The following UBTD2 variants were observed in gnomAD, a reference collection of about 807,000 sequenced individuals.
The protein encoded by UBTD2 is ubiquitin domain containing 2.
Under a neutral mutation model 19.8 loss-of-function variants are expected in UBTD2, and 9 were observed. That is an observed-to-expected ratio of 0.46 (90% confidence interval 0.27 to 0.79). UBTD2 has a LOEUF of 0.79. UBTD2 is among the 30% of genes least tolerant of loss of function. UBTD2 has a pLI of 0.14. For missense variants in UBTD2, 250 were observed against 300.4 expected (o/e 0.83, Z 1.24); for synonymous variants, 98 against 103.9 (o/e 0.94, Z 0.35).
intron 1 of UBTD2, among the ~76,000 whole-genome samples, chr5:172,274,040 G>C (rs891327505): frequency 6.6e-6 from 1 of 151,282 alleles, no homozygotes; most frequent in Non-Finnish European, 1.5e-5. Context: ...AGAGCTCACC[G>C]ACCCAGAAAA....
At chr5:172,213,152 G>A (rs1253041283) in intron 2 of UBTD2, among the ~76,000 whole-genome samples, 1 of 151,354 alleles carries the variant, frequency 6.6e-6, no homozygotes, top group Non-Finnish European at 1.5e-5. Context: ...CACCACGCCT[G>A]GGTGATTTTT....
intron 1 of UBTD2, among the ~76,000 whole-genome samples, chr5:172,262,460 A>C (rs923548561): frequency 1.5e-4 from 23 of 151,334 alleles, no homozygotes; most frequent in Non-Finnish European, 3.1e-4. Context: ...AAAAAAAAAA[A>C]AAAAAAAACA....
intron 1 of UBTD2, chr5:172,255,382 G>T: frequency 2.0e-6 from 1 of 491,378 alleles, no homozygotes; most frequent in South Asian, 1.6e-5. Context: ...GTATGACACC[G>T]AGACAGGGTC....
chr5:172,256,440 G>A (rs1755153491), intron 1 of UBTD2, among the ~76,000 whole-genome samples: 1 of 150,764 alleles, frequency 6.6e-6, no homozygotes. Context: ...GGAACTCAGT[G>A]GCACCATCAG....
intron 1 of UBTD2, among the ~76,000 whole-genome samples, chr5:172,276,770 C>A (rs1055950683): frequency 2.6e-5 from 4 of 151,116 alleles, no homozygotes; most frequent in Non-Finnish European, 5.9e-5. Flanking sequence ...AGGAAGAAGA[C>A]AAAAAAAGGA....
chr5:172,252,977 C>A (rs1581225464), intron 1 of UBTD2, among the ~76,000 whole-genome samples: 2 of 152,254 alleles, frequency 1.3e-5, no homozygotes, highest in Admixed American at 1.3e-4. Context: ...AAACTGTATT[C>A]TCTTGGGGTT....
chr5:172,280,793 T>C (rs567770394), intron 1 of UBTD2, among the ~76,000 whole-genome samples: 6 of 152,314 alleles, frequency 3.9e-5, no homozygotes, highest in Admixed American at 2.6e-4. Flanking sequence ...GCAAAGCTTA[T>C]AATGTGAATT....
At chr5:172,217,704 G>A (rs1430502412) in intron 2 of UBTD2, among the ~76,000 whole-genome samples, 1 of 151,990 alleles carries the variant, frequency 6.6e-6, no homozygotes. Context: ...TGTTGTCCAG[G>A]CTGGTCTCAA....
intron 1 of UBTD2, among the ~76,000 whole-genome samples, chr5:172,274,434 T>C (rs1561868121): frequency 6.6e-6 from 1 of 152,034 alleles, no homozygotes; most frequent in Non-Finnish European, 1.5e-5. Context: ...CCACTGCACC[T>C]GGCTGTTTTA....
At chr5:172,265,890 CTA>C (rs1428001837) in intron 1 of UBTD2, among the ~76,000 whole-genome samples, 3 of 151,346 alleles carry the variant, frequency 2.0e-5, no homozygotes, top group African/African-American at 7.3e-5. Flanking sequence ...GAGGGGCATG[CTA>C]GTTTTAAGAA....
Position 172,237,949 on chromosome 5 carries a change from T to C in UBTD2, c.71-3591A>G, listed in dbSNP as rs550777159. Among the ~76,000 whole-genome samples the C allele has an allele frequency of 6.6e-5, 10 of 152,358 alleles. 2 individuals are homozygous for C. The highest frequency in any genetic ancestry group is 2.4e-4 in the African/African-American group (10 of 41,584). ...TTAAATGTTAAAGAAATGTCCCTGA[T>C]TGTCATGCACTTCCTGTGCCTTATC... On this transcript the variant is annotated intron_variant, in intron 1 of 2. Transcript: ENST00000393792.
intron 1 of UBTD2, among the ~76,000 whole-genome samples, chr5:172,278,522 A>G (rs79138147): frequency 5.5e-5 from 4 of 72,942 alleles, no homozygotes; most frequent in East Asian, 5.1e-4. Flanking sequence ...CCTCAGGGGA[A>G]AAAAAAAAAA....
intron 1 of UBTD2, among the ~76,000 whole-genome samples, chr5:172,244,294 A>AGTTT (rs1209520167): frequency 1.1e-5 from 1 of 89,080 alleles, no homozygotes; most frequent in Non-Finnish European, 2.3e-5. Context: ...CTTTCCTCCC[A>AGTTT]GTTTTTTTTT....
At position 172,234,261 on chromosome 5, in the gene UBTD2, T is replaced by C. The variant is rs186876886; in HGVS notation, c.168A>G (p.Glu56=). 21 of 1,614,182 alleles carry C rather than the reference T, an allele frequency of 1.3e-5. No individual in the cohort carries two copies. The highest frequency in any genetic ancestry group is 1.8e-5 in the Non-Finnish European group (21 of 1,180,034). Residue 56 remains glutamate, a synonymous_variant, in exon 2 of 3, where the codon GAA becomes GAG. Coordinates refer to ENST00000393792, the MANE Select transcript of UBTD2 (RefSeq NM_152277.3). ...CAAAAGCTGGTGCTGTATCCCAAAATTCATCCCTCTTGCTGCGTAGTTGTC... is the reference window on the plus strand; with the variant it reads ...CAAAAGCTGGTGCTGTATCCCAAAACTCATCCCTCTTGCTGCGTAGTTGTC... The part of the protein sequence containing the change: ...TDGQLRSKRD[E]FWDTAPAFEG...
intron 1 of UBTD2, among the ~76,000 whole-genome samples, chr5:172,250,101 T>C (rs1198425560): frequency 6.6e-6 from 1 of 152,100 alleles, no homozygotes; most frequent in Non-Finnish European, 1.5e-5. Flanking sequence ...TGGGTGCCTG[T>C]AATCCCAGCT....
chr5:172,274,133 T>C (rs1385983234), intron 1 of UBTD2, among the ~76,000 whole-genome samples: 1 of 125,412 alleles, frequency 8.0e-6, no homozygotes, highest in Admixed American at 9.1e-5. Context: ...AATTTTGCTT[T>C]ACTTTTTTTT....
intron 1 of UBTD2, among the ~76,000 whole-genome samples, chr5:172,239,363 G>A (rs1209223231): frequency 6.6e-6 from 1 of 152,000 alleles, no homozygotes; most frequent in Non-Finnish European, 1.5e-5. Context: ...GAGGCAGGGG[G>A]GATCACTTGA....
At chr5:172,270,392 T>C (rs1000238792) in intron 1 of UBTD2, among the ~76,000 whole-genome samples, 8 of 146,254 alleles carry the variant, frequency 5.5e-5, no homozygotes, top group Admixed American at 2.0e-4. Context: ...AGTTTCGCTC[T>C]TGTTGCCCAG....
chr5:172,248,376 T>C (rs1754925159), intron 1 of UBTD2, among the ~76,000 whole-genome samples: 1 of 151,756 alleles, frequency 6.6e-6, no homozygotes, highest in African/African-American at 2.4e-5. Flanking sequence ...GATCATGGGG[T>C]CAGGAATTCG....
Sources: allele counts gnomAD v4.1 joint callset (sites outside exome capture counted in the v4.1 genomes callset), GRCh38; gene constraint gnomAD v4.1.1; transcripts MANE v1.5; gene names NCBI Gene and HGNC (gene_info 2026-07-23, HGNC 2026-07-21).